DST: variants seen among roughly 807,000 people sequenced by gnomAD.
DST encodes bullous pemphigoid antigen.
In DST, 253 loss-of-function variants were observed where a neutral mutation model predicts 875.2. That is an observed-to-expected ratio of 0.29 (90% confidence interval 0.26 to 0.32). The LOEUF (loss-of-function observed/expected upper bound fraction) is 0.32. Ranked by LOEUF, DST falls within the 10% of genes least tolerant of loss-of-function variation. The pLI, the probability that DST is intolerant of heterozygous loss-of-function variation, is 1.00. For synonymous variants in DST, 3,124 were observed against 3,197.1 expected (o/e 0.98, Z 0.77); for missense variants, 8,287 against 9,111.6 (o/e 0.91, Z 3.68).
chr6:56,807,862 G>GA (rs2099755034), intron 4 of DST, among the ~76,000 whole-genome samples: 1 of 151,926 alleles, frequency 6.6e-6, no homozygotes, highest in Non-Finnish European at 1.5e-5. Context: ...AACCACAAAA[G>GA]AAAAAAATTG....
intron 2 of DST, among the ~76,000 whole-genome samples, chr6:56,952,431 C>A (rs1822824692): frequency 6.6e-6 from 1 of 152,156 alleles, no homozygotes; most frequent in Non-Finnish European, 1.5e-5. Context: ...CTTCTCATCA[C>A]ATCTGAATGG....
At chr6:56,884,545 A>G (rs1199795377) in intron 3 of DST, among the ~76,000 whole-genome samples, 1 of 152,130 alleles carries the variant, frequency 6.6e-6, no homozygotes, top group Non-Finnish European at 1.5e-5. Flanking sequence ...ATTAGCAGTC[A>G]TTGATGATCA....
chr6:56,669,134 C>A (rs911068770), intron 10 of DST, among the ~76,000 whole-genome samples: 3 of 151,848 alleles, frequency 2.0e-5, no homozygotes, highest in Admixed American at 6.6e-5. Context: ...AGTAATCAAA[C>A]CATTAACTAT....
At chr6:56,619,467 A>C (rs1239589382) in intron 36 of DST, 1 of 1,611,586 alleles carries the variant, frequency 6.2e-7, no homozygotes, top group African/African-American at 1.3e-5. Flanking sequence ...TTTCTCTGGC[A>C]GATTTGTAGT....
At chr6:56,550,609 G>A (rs1409607503) in intron 61 of DST, among the ~76,000 whole-genome samples, 1 of 152,178 alleles carries the variant, frequency 6.6e-6, no homozygotes, top group Admixed American at 6.5e-5. Flanking sequence ...GCAAATAGCA[G>A]CACCAGTATT....
chr6:56,728,276 A>C (rs1280537067), intron 5 of DST, among the ~76,000 whole-genome samples: 2 of 152,228 alleles, frequency 1.3e-5, no homozygotes, highest in African/African-American at 2.4e-5. Context: ...CTTGTCATGA[A>C]ATAATTTTAG....
At chr6:56,662,431 TA>T (rs1318475414) in intron 10 of DST, among the ~76,000 whole-genome samples, 1 of 152,174 alleles carries the variant, frequency 6.6e-6, no homozygotes, top group Non-Finnish European at 1.5e-5. Flanking sequence ...TACAATAGAA[TA>T]CCATATGGTA....
chr6:56,883,257 G>A (rs912499440), intron 3 of DST, among the ~76,000 whole-genome samples: 41 of 152,062 alleles, frequency 2.7e-4, no homozygotes, highest in Admixed American at 2.4e-3. Context: ...AGTCTTGCGG[G>A]AAAAAAATCT....
At chr6:56,785,763 C>G (rs572813230) in intron 4 of DST, 66 of 156,524 alleles carry the variant, frequency 4.2e-4, no homozygotes, top group African/African-American at 1.3e-3. Flanking sequence ...GTGAGATGAA[C>G]CCGGTACCTC....
chr6:56,474,112 A>C (rs1229799528), intron 92 of DST, 110 bp from the exon 93 acceptor site: 2 of 931,816 alleles, frequency 2.1e-6, no homozygotes, highest in Non-Finnish European at 3.2e-6. Flanking sequence ...TTTCTGAAGA[A>C]GAATAAATCA....
At chr6:56,808,056 T>A (rs1411754600) in intron 4 of DST, among the ~76,000 whole-genome samples, 1 of 152,328 alleles carries the variant, frequency 6.6e-6, no homozygotes, top group Non-Finnish European at 1.5e-5. Flanking sequence ...TATACGTTAA[T>A]AAACAAGTTC....
intron 13 of DST, 125 bp downstream of exon 13, chr6:56,648,445 G>T: frequency 1.4e-6 from 1 of 728,180 alleles, no homozygotes; most frequent in Non-Finnish European, 2.1e-6. Flanking sequence ...TACAAATTTT[G>T]CCTACTTATT....
At chr6:56,882,529 C>T (rs1782702426) in intron 3 of DST, among the ~76,000 whole-genome samples, 1 of 152,240 alleles carries the variant, frequency 6.6e-6, no homozygotes, top group South Asian at 2.1e-4. Flanking sequence ...GTATAAATCA[C>T]TGGCTTGCCT....
intron 50 of DST, among the ~76,000 whole-genome samples, chr6:56,578,475 AG>A (rs1352415324): frequency 6.6e-6 from 1 of 152,146 alleles, no homozygotes; most frequent in Non-Finnish European, 1.5e-5. Context: ...TTTGGCCTTA[AG>A]TTGAAGGCCT....
intron 27 of DST, among the ~76,000 whole-genome samples, chr6:56,633,328 G>A (rs556322118): frequency 9.5e-5 from 14 of 148,018 alleles, no homozygotes; most frequent in East Asian, 2.0e-4. Context: ...CCGGGTTCAC[G>A]CCATTCTCCT....
rs755321547 is a variant in DST at position 56,487,286 on chromosome 6, C to T, written c.20878-13G>A. 3.9e-6 allele frequency: 6 copies of T among 1,520,232 alleles called. No individual in the cohort carries two copies. In the Admixed American group the frequency reaches 1.3e-4, roughly 32 times the overall value. The allele number at this position is 1,520,232 out of a possible 1,614,324, so 94.2% of individuals were successfully genotyped here. On this transcript the variant is annotated splice_polypyrimidine_tract_variant and intron_variant, in intron 86 of 103. Transcript: ENST00000680361. The stretch of plus-strand genomic sequence containing the variant: ...ATTTCTGAAACTCCTAAATATTTAA[C>T]AAGAAAAAAATGCGAATTTCTTCTT...
At chr6:56,921,849 T>C (rs2127741436) in intron 2 of DST, among the ~76,000 whole-genome samples, 1 of 151,968 alleles carries the variant, frequency 6.6e-6, no homozygotes, top group South Asian at 2.1e-4. Context: ...GGAAGAAAAA[T>C]CTAAATGGAC....
chr6:56,924,557 C>A (rs1045180726), intron 2 of DST, among the ~76,000 whole-genome samples: 16 of 152,108 alleles, frequency 1.1e-4, no homozygotes, highest in Non-Finnish European at 2.9e-5. Flanking sequence ...TGGTGTCTTG[C>A]CGATACAAGC....
At chr6:56,850,019 G>A (rs907621532) in intron 4 of DST, among the ~76,000 whole-genome samples, 2 of 152,258 alleles carry the variant, frequency 1.3e-5, no homozygotes, top group South Asian at 2.1e-4. Context: ...TCAGACCTGC[G>A]GGAAAGTTCT....
Sources: allele counts gnomAD v4.1 joint callset (sites outside exome capture counted in the v4.1 genomes callset), GRCh38; gene constraint gnomAD v4.1.1; transcripts MANE v1.5; gene names NCBI Gene and HGNC (gene_info 2026-07-23, HGNC 2026-07-21).